Variants in SUCO observed in about 807,000 individuals in gnomAD.
The protein encoded by SUCO is SUN domain containing ossification factor.
SUCO carries 57 observed loss-of-function variants against 148.1 expected under a neutral mutation model. The ratio of observed to expected loss-of-function variants is 0.38; its 90% CI spans 0.31 to 0.48. The LOEUF (loss-of-function observed/expected upper bound fraction) is 0.48. SUCO is among the 20% of genes least tolerant of loss of function. The pLI is 0.96. For missense variants in SUCO, 1,331 were observed against 1,468.2 expected (o/e 0.91, Z 1.53); for synonymous variants, 470 against 502.7 (o/e 0.93, Z 0.87).
intron 6 of SUCO, among the ~76,000 whole-genome samples, chr1:172,566,705 T>C (rs551693181): frequency 6.6e-6 from 1 of 152,338 alleles, no homozygotes; most frequent in Non-Finnish European, 1.5e-5. Flanking sequence ...CAGAAATTTC[T>C]AGGAAAATGG....
chr1:172,582,070 CAT>C (rs993223497), intron 15 of SUCO, among the ~76,000 whole-genome samples: 4 of 152,098 alleles, frequency 2.6e-5, no homozygotes, highest in Admixed American at 2.6e-4. Flanking sequence ...TGTTCTTTGT[CAT>C]GTGAATTTGC....
chr1:172,541,329 A>G (rs573341701), intron 1 of SUCO, among the ~76,000 whole-genome samples: 43 of 152,278 alleles, frequency 2.8e-4, no homozygotes, highest in African/African-American at 1.0e-3. Context: ...ATTTTAAATC[A>G]CCTCTAGATA....
At chr1:172,569,289 A>G (rs1474344441) in intron 7 of SUCO, 147 bp downstream of exon 7, 5 of 1,056,434 alleles carry the variant, frequency 4.7e-6, no homozygotes, top group Non-Finnish European at 6.2e-6. Flanking sequence ...CTGTTGATCC[A>G]TCCATCCATC....
chr1:172,557,137 C>T, intron 4 of SUCO, 143 bp from the exon 5 acceptor site: 5 of 1,396,556 alleles, frequency 3.6e-6, no homozygotes, highest in Non-Finnish European at 4.6e-6. Flanking sequence ...AATAACAGAT[C>T]AAGTCAGCAA....
intron 9 of SUCO, 151 bp downstream of exon 9, chr1:172,570,881 C>T (rs1654912463): frequency 7.6e-6 from 4 of 527,398 alleles, no homozygotes; most frequent in Non-Finnish European, 1.0e-5. Flanking sequence ...GACAAAATGC[C>T]TTCCTTTCCT....
chr1:172,555,697 C>A, intron 3 of SUCO, 172 bp from the exon 4 acceptor site: 1 of 235,418 alleles, frequency 4.2e-6, no homozygotes, highest in Non-Finnish European at 6.9e-6. Flanking sequence ...ATATGAAATG[C>A]ATTCCTTAGG....
chr1:172,594,766 G>A (rs1231243200), intron 19 of SUCO, among the ~76,000 whole-genome samples: 6 of 152,198 alleles, frequency 3.9e-5, no homozygotes, highest in African/African-American at 1.4e-4. Context: ...GATTTAGGGT[G>A]GAGAGTTCAG....
chr1:172,585,150 A>G lies in SUCO; in HGVS notation c.1567+64A>G, dbSNP rs1350500544. On this transcript the variant is annotated intron_variant, in intron 16 of 23. Coordinates refer to ENST00000263688, the MANE Select transcript of SUCO (RefSeq NM_014283.5). ...CTCCAGGGATCCTTATATTTAGGAA[A>G]ATCAAGTAATGAGTTAAGAAAATTT... 3.1e-6 allele frequency: 4 copies of G among 1,269,848 alleles called. No homozygotes were observed. In the African/African-American group the frequency reaches 6.1e-5, roughly 19 times the overall value. 78.7% of individuals were successfully genotyped at this position (1,269,848 alleles called of 1,614,324 possible).
intron 13 of SUCO, 39 bp from the exon 14 acceptor site, chr1:172,578,259 T>G: frequency 7.0e-7 from 1 of 1,425,690 alleles, no homozygotes; most frequent in Non-Finnish European, 9.9e-7. Context: ...TTAACGAGTG[T>G]TTTGTTTTGG....
rs113314364 is a variant in SUCO at position 172,555,439 on chromosome 1, G to T, written c.289-430G>T. 829 of 983,250 alleles carry T rather than the reference G, an allele frequency of 8.4e-4. 5 individuals carry two copies. In the African/African-American group the frequency reaches 0.011, roughly 14 times the overall value. The allele number at this position is 983,250 out of a possible 1,614,324, so 60.9% of individuals were successfully genotyped here. The stretch of plus-strand genomic sequence containing the variant: ...AGTAAGAATCATTTATTGCTTCATG[G>T]TGTTACTTGAACATATCTTATATCG... On this transcript the variant is annotated intron_variant, in intron 3 of 23. Coordinates refer to ENST00000263688, the MANE Select transcript of SUCO (RefSeq NM_014283.5).
chr1:172,563,042 T>G (rs1366817298), intron 6 of SUCO, among the ~76,000 whole-genome samples: 1 of 152,188 alleles, frequency 6.6e-6, no homozygotes, highest in Non-Finnish European at 1.5e-5. Flanking sequence ...ATTGTAAGTT[T>G]CCTGAGGCCT....
chr1:172,611,589 T>C lies in SUCO; in HGVS notation c.*1330T>C, dbSNP rs1479404765. The C allele has an allele frequency of 2.0e-5, 3 of 152,652 alleles. No individual in the cohort carries two copies. The highest frequency in any genetic ancestry group is 4.4e-5 in the Non-Finnish European group (3 of 68,040). 9.5% of individuals were successfully genotyped at this position (152,652 alleles called of 1,614,324 possible). ...TTTTTGTTTGTTTAAGTTGCTGCTT[T>C]AGGTTAACAGCGTGTTTTAGAAGAT... On this transcript the variant is annotated 3_prime_UTR_variant, in exon 24 of 24. Coordinates refer to ENST00000263688, the MANE Select transcript of SUCO (RefSeq NM_014283.5).
chr1:172,568,305 T>TTGCCCCCCCCC, intron 6 of SUCO: 1 of 905,994 alleles, frequency 1.1e-6, no homozygotes, highest in Non-Finnish European at 1.3e-6. Context: ...ATTCTTTGCT[T>TTGCCCCCCCCC]CCCACCCACC....
intron 11 of SUCO, among the ~76,000 whole-genome samples, 182 bp from the exon 12 acceptor site, chr1:172,577,357 G>A (rs1041012565): frequency 1.3e-5 from 2 of 151,578 alleles, no homozygotes; most frequent in African/African-American, 2.4e-5. Flanking sequence ...GGTAGTGATG[G>A]CAAAAATTTA....
intron 6 of SUCO, among the ~76,000 whole-genome samples, chr1:172,560,628 A>T (rs375832315): frequency 1.4e-4 from 22 of 152,178 alleles, no homozygotes; most frequent in Non-Finnish European, 2.6e-4. Flanking sequence ...TGCCAGAATT[A>T]ATCCTATTGC....
chr1:172,575,187 CAT>C (rs1489011727), intron 10 of SUCO, among the ~76,000 whole-genome samples: 1 of 152,008 alleles, frequency 6.6e-6, no homozygotes, highest in African/African-American at 2.4e-5. Context: ...TTATTACACA[CAT>C]GTCAGTATGT....
At chr1:172,556,078 A>C in intron 4 of SUCO, 55 bp downstream of exon 4, 1 of 1,440,776 alleles carries the variant, frequency 6.9e-7, no homozygotes, top group South Asian at 1.2e-5. Flanking sequence ...TAGTGATAGA[A>C]AAATTTCCTT....
chr1:172,533,854 T>C (rs1046923111), intron 1 of SUCO, among the ~76,000 whole-genome samples: 2 of 152,168 alleles, frequency 1.3e-5, no homozygotes, highest in Non-Finnish European at 2.9e-5. Flanking sequence ...TTGCCGCCAG[T>C]CTTTGCGTTC....
At chr1:172,592,560 C>G (rs1259484856) in intron 19 of SUCO, among the ~76,000 whole-genome samples, 1 of 152,132 alleles carries the variant, frequency 6.6e-6, no homozygotes, top group Non-Finnish European at 1.5e-5. Flanking sequence ...TTGTTTTGGT[C>G]AGGTTTGTCA....
Sources: allele counts gnomAD v4.1 joint callset (sites outside exome capture counted in the v4.1 genomes callset), GRCh38; gene constraint gnomAD v4.1.1; transcripts MANE v1.5; gene names NCBI Gene and HGNC (gene_info 2026-07-23, HGNC 2026-07-21).